Variants in SPECC1L observed in about 807,000 individuals in gnomAD.
SPECC1L encodes sperm antigen with calponin homology and coiled-coil domains 1 like, also known as cytospin-A.
Under a neutral mutation model 116.8 loss-of-function variants are expected in SPECC1L, and 40 were observed. The ratio of observed to expected loss-of-function variants is 0.34; its 90% CI spans 0.27 to 0.45. The LOEUF (loss-of-function observed/expected upper bound fraction) is 0.45, where lower values mean the gene tolerates loss of function less well. Ranked by LOEUF, SPECC1L falls within the 20% of genes least tolerant of loss-of-function variation. The probability of loss-of-function intolerance (pLI) is 1.00; values close to 1 mark genes in which losing one functional copy is unlikely to be tolerated. For missense variants in SPECC1L, 1,110 were observed against 1,373.6 expected (o/e 0.81, Z 3.03); for synonymous variants, 504 against 500.6 (o/e 1.01, Z -0.09).
chr22:24,411,317 C>G (rs1245720782), intron 14 of SPECC1L, among the ~76,000 whole-genome samples: 1 of 152,148 alleles, frequency 6.6e-6, no homozygotes, highest in Non-Finnish European at 1.5e-5. Flanking sequence ...AGGGTCCTCT[C>G]TTTGTATGCA....
intron 15 of SPECC1L, chr22:24,412,247 C>G (rs1412805765): frequency 2.7e-6 from 1 of 367,790 alleles, no homozygotes; most frequent in Non-Finnish European, 5.2e-6. Context: ...CCGCAGCCCC[C>G]ACCCCAGTCC....
chr22:24,290,056 T>C (rs1432913409), intron 2 of SPECC1L, among the ~76,000 whole-genome samples: 1 of 152,206 alleles, frequency 6.6e-6, no homozygotes, highest in African/African-American at 2.4e-5. Flanking sequence ...CCTCCATCCC[T>C]CCACTGGGGA....
At position 24,321,952 on chromosome 22, in the gene SPECC1L, T is replaced by G; in HGVS notation, c.972T>G (p.Asp324Glu). 7 of 1,614,142 alleles carry G rather than the reference T, an allele frequency of 4.3e-6. No homozygotes were observed. Among genetic ancestry groups the G allele is most frequent in the Non-Finnish European group, 5.9e-6 (7 of 1,180,030 alleles). ...GCTCTGCCCCTGGCTCAGTGGAGGATCTCTTGAGTCAGGATGAAAATACAC... is the reference window on the plus strand; with the variant it reads ...GCTCTGCCCCTGGCTCAGTGGAGGAGCTCTTGAGTCAGGATGAAAATACAC... Reference protein sequence around the residue: ...VEGSAPGSVEDLLSQDENTLM... With the variant: ...VEGSAPGSVEELLSQDENTLM... The change falls in exon 5 of 17, where the codon GAT becomes GAG. Residue 324 changes from aspartate to glutamate, a missense_variant. Physicochemically the swap from Asp to Glu is conservative, Grantham distance 45. Around this residue, in one of 4 missense-constraint regions of SPECC1L, gnomAD observed 437 missense variants for 482.6 expected, o/e 0.91. Coordinates refer to ENST00000314328, the MANE Select transcript of SPECC1L (RefSeq NM_015330.6).
At chr22:24,398,841 G>A (rs556377131) in intron 14 of SPECC1L, among the ~76,000 whole-genome samples, 4 of 152,168 alleles carry the variant, frequency 2.6e-5, no homozygotes, top group East Asian at 1.9e-4. Context: ...ATTCTGCACC[G>A]TTACCTCCCT....
Position 24,324,434 on chromosome 22 carries a change from G to T in SPECC1L, c.2146+7G>T. On this transcript the variant is annotated splice_region_variant and intron_variant, in intron 6 of 16. Transcript: ENST00000314328. Reference sequence around the variant, plus strand: ...ATTATTTCTGATCTAGAGAGTAAGTGATAAGAACTTTTCATTCTTTTTTGT... The same window carrying T: ...ATTATTTCTGATCTAGAGAGTAAGTTATAAGAACTTTTCATTCTTTTTTGT... The T allele has an allele frequency of 6.2e-7, 1 of 1,610,026 alleles. No homozygotes were observed. The highest frequency in any genetic ancestry group is 1.1e-5 in the South Asian group (1 of 90,932).
chr22:24,302,376 T>G lies in SPECC1L; in HGVS notation c.145T>G (p.Leu49Val). The change falls in exon 3 of 17, where the codon TTG (leucine) becomes GTG (valine). Residue 49 changes from leucine (L) to valine (V), a missense_variant. Leu to Val is a conservative substitution (Grantham distance 32, BLOSUM62 1). Transcript: ENST00000314328. Reference sequence around the variant, plus strand: ...TGTAAAACCTGGAACAGCAGCATCATTGTCAAAGGTATTCATGTGATGTTT... The same window carrying G: ...TGTAAAACCTGGAACAGCAGCATCAGTGTCAAAGGTATTCATGTGATGTTT... ...KLVKPGTAAS[L>V]SKTKSSDDLL... The G allele has an allele frequency of 6.2e-7, 1 of 1,614,080 alleles. No homozygotes were observed. The highest frequency in any genetic ancestry group is 8.5e-7 in the Non-Finnish European group (1 of 1,180,012).
intron 2 of SPECC1L, among the ~76,000 whole-genome samples, chr22:24,301,462 A>G (rs751968480): frequency 1.3e-5 from 2 of 152,226 alleles, no homozygotes; most frequent in Non-Finnish European, 2.9e-5. Context: ...CATACTGAAC[A>G]TCGTAGCTTA....
intron 14 of SPECC1L, among the ~76,000 whole-genome samples, chr22:24,380,770 C>A (rs767696113): frequency 4.6e-5 from 7 of 152,206 alleles, no homozygotes; most frequent in Admixed American, 1.3e-4. Context: ...GAAACCCCCA[C>A]AAGGATAAAT....
At chr22:24,378,082 G>A (rs1396001564) in intron 14 of SPECC1L, among the ~76,000 whole-genome samples, 5 of 152,234 alleles carry the variant, frequency 3.3e-5, no homozygotes, top group Non-Finnish European at 5.9e-5. Context: ...ATTGAAAATT[G>A]TTGTTTAGTG....
At chr22:24,404,683 C>T (rs1291168527) in intron 14 of SPECC1L, among the ~76,000 whole-genome samples, 1 of 152,198 alleles carries the variant, frequency 6.6e-6, no homozygotes, top group Admixed American at 6.5e-5. Context: ...CTGCTCCTGG[C>T]TGTTCTGACC....
intron 14 of SPECC1L, among the ~76,000 whole-genome samples, chr22:24,370,035 C>T (rs1292658446): frequency 6.6e-6 from 1 of 152,178 alleles, no homozygotes; most frequent in East Asian, 1.9e-4. Context: ...AGAAGTACAA[C>T]ACAAAAAGGG....
intron 14 of SPECC1L, among the ~76,000 whole-genome samples, chr22:24,409,895 C>G (rs565930503): frequency 1.1e-3 from 162 of 152,120 alleles, no homozygotes; most frequent in African/African-American, 3.7e-3. Flanking sequence ...GACGTGGTAG[C>G]ACGTACCAGC....
At chr22:24,394,437 A>G (rs2042328283) in intron 14 of SPECC1L, among the ~76,000 whole-genome samples, 1 of 152,224 alleles carries the variant, frequency 6.6e-6, no homozygotes, top group South Asian at 2.1e-4. Flanking sequence ...TGACCGCATT[A>G]CTTCCCAAAG....
At chr22:24,316,739 T>C (rs1445390875) in intron 4 of SPECC1L, among the ~76,000 whole-genome samples, 1 of 149,978 alleles carries the variant, frequency 6.7e-6, no homozygotes, top group African/African-American at 2.5e-5. Context: ...TTCCCCCCTT[T>C]CTATTCCACA....
rs566228745 is a variant in SPECC1L at position 24,375,202 on chromosome 22, A to G, written c.3087+5882A>G. ...AGTAATCAAAATACTTCCAGCAAAG[A>G]GAAGCCCAGGACCAGATTACTTTAC... is the stretch of plus-strand genomic sequence containing the variant. On this transcript the variant is annotated intron_variant, in intron 14 of 16. Coordinates refer to ENST00000314328, the MANE Select transcript of SPECC1L (RefSeq NM_015330.6). Among the ~76,000 whole-genome samples the G allele has an allele frequency of 5.3e-5, 8 of 152,326 alleles. 1 individual carries two copies. In the South Asian group the frequency reaches 1.7e-3, roughly 32 times the overall value.
chr22:24,300,680 A>G (rs931660882), intron 2 of SPECC1L, among the ~76,000 whole-genome samples: 7 of 152,172 alleles, frequency 4.6e-5, no homozygotes, highest in African/African-American at 1.7e-4. Context: ...CTGGCATGAG[A>G]TGTTATCTCA....
chr22:24,281,174 T>A (rs1283076394), intron 2 of SPECC1L, among the ~76,000 whole-genome samples: 1 of 152,224 alleles, frequency 6.6e-6, no homozygotes, highest in Admixed American at 6.5e-5. Flanking sequence ...AGCATCTGAG[T>A]TTTTATTCAA....
chr22:24,417,074 A>G lies in SPECC1L; in HGVS notation c.*2451A>G, dbSNP rs1285631984. ...TTGGAGATGCTCTCAGTCCTGTGGCATCTGGCACGAAGTCTCCAAGAAGCC... is the reference window on the plus strand; with the variant it reads ...TTGGAGATGCTCTCAGTCCTGTGGCGTCTGGCACGAAGTCTCCAAGAAGCC... On this transcript the variant is annotated 3_prime_UTR_variant, in exon 17 of 17. Transcript: ENST00000314328. 6.6e-6 allele frequency: 1 copy of G among 152,496 alleles called. No homozygotes were observed. The highest frequency in any genetic ancestry group is 6.5e-5 in the Admixed American group (1 of 15,288). The allele number at this position is 152,496 out of a possible 1,614,324, so 9.4% of individuals were successfully genotyped here.
At chr22:24,279,205 A>G (rs566185694) in intron 2 of SPECC1L, among the ~76,000 whole-genome samples, 13 of 152,316 alleles carry the variant, frequency 8.5e-5, no homozygotes, top group African/African-American at 3.1e-4. Context: ...TGACGCTATA[A>G]TTTAAAATAA....
Sources: gnomAD v4.1 joint callset for allele counts (sites outside exome capture counted in the v4.1 genomes callset) on GRCh38, gnomAD v4.1.1 for gene constraint, gnomAD v4.1.1 regional missense constraint, MANE v1.5 for transcripts, NCBI Gene and HGNC (gene_info 2026-07-23, HGNC 2026-07-21) for gene names.